The following BCKDHB variants were observed in gnomAD, a reference collection of about 807,000 sequenced individuals.
BCKDHB encodes 2-oxoisovalerate dehydrogenase subunit beta, mitochondrial.
In BCKDHB, 41 loss-of-function variants were observed where a neutral mutation model predicts 48.5. That is an observed-to-expected ratio of 0.85 (90% CI 0.66 to 1.10). The LOEUF (loss-of-function observed/expected upper bound fraction) is 1.10, where lower values mean the gene tolerates loss of function less well. Ranked by LOEUF, BCKDHB falls within the 50% of genes least tolerant of loss-of-function variation. The pLI, the probability that BCKDHB is intolerant of heterozygous loss-of-function variation, is 0.00. For missense variants in BCKDHB, 496 were observed against 494.2 expected, an observed-to-expected ratio of 1.00 and a Z score of -0.03; for synonymous variants, 201 against 174.8, an observed-to-expected ratio of 1.15 and a Z score of -1.18.
chr6:80,288,271 A>G (rs1416211059), intron 9 of BCKDHB, among the ~76,000 whole-genome samples: 10 of 152,124 alleles, frequency 6.6e-5, no homozygotes, highest in Admixed American at 5.9e-4. Context: ...AATAATTGCT[A>G]AAGGGGCAAA....
the BCKDHB span, among the ~76,000 whole-genome samples, chr6:80,433,148 T>A: frequency 6.6e-6 from 1 of 152,254 alleles, no homozygotes; most frequent in South Asian, 2.1e-4. Context: ...GTCAGGGACC[T>A]ACTTGAGGAG....
the BCKDHB span, among the ~76,000 whole-genome samples, chr6:80,419,462 C>T: frequency 6.6e-6 from 1 of 152,242 alleles, no homozygotes; most frequent in East Asian, 1.9e-4. Context: ...CAAGGCCACC[C>T]TGCAGAGTTC....
At chr6:80,165,075 A>C (rs1408029746) in intron 3 of BCKDHB, among the ~76,000 whole-genome samples, 1 of 152,138 alleles carries the variant, frequency 6.6e-6, no homozygotes, top group Non-Finnish European at 1.5e-5. Context: ...TCTGCTTTCT[A>C]TTGGCAACAA....
chr6:80,290,757 A>G (rs1013863546), intron 9 of BCKDHB, among the ~76,000 whole-genome samples: 1 of 152,254 alleles, frequency 6.6e-6, no homozygotes, highest in Non-Finnish European at 1.5e-5. Flanking sequence ...GTAAAGGAAT[A>G]AAAGAATAAA....
the BCKDHB span, among the ~76,000 whole-genome samples, chr6:80,394,498 T>C: frequency 9.2e-5 from 14 of 152,146 alleles, no homozygotes; most frequent in African/African-American, 3.1e-4. Context: ...CTGCATCTCC[T>C]GTGCTCCATT....
intron 1 of BCKDHB, among the ~76,000 whole-genome samples, chr6:80,107,417 G>A (rs1769143255): frequency 1.2e-5 from 1 of 82,216 alleles, no homozygotes; most frequent in Non-Finnish European, 2.5e-5. Flanking sequence ...TACAGAAATT[G>A]TGTGTATGTG....
rs528747631 is a variant in BCKDHB at position 80,252,003 on chromosome 6, A to G, written c.952-21132A>G. On this transcript the variant is annotated intron_variant, in intron 8 of 9. Transcript: ENST00000320393. ...TTATGCCAAAGTAATAGCTAGCACT[A>G]TAGCATGCTTACTGTAGGCATTACG... Among the ~76,000 whole-genome samples the G allele has an allele frequency of 3.3e-4, 50 of 152,338 alleles. No homozygotes were observed. In the South Asian group the frequency reaches 9.9e-3, roughly 30 times the overall value.
At chr6:80,272,964 ATGAC>A (rs1347016148) in intron 8 of BCKDHB, among the ~76,000 whole-genome samples, 167 bp from the exon 9 acceptor site, 3 of 152,162 alleles carry the variant, frequency 2.0e-5, no homozygotes, top group African/African-American at 4.8e-5. Context: ...CAAAAATCAG[ATGAC>A]TGACCTGTCG....
At chr6:80,406,061 T>A in the BCKDHB span, among the ~76,000 whole-genome samples, 1 of 152,130 alleles carries the variant, frequency 6.6e-6, no homozygotes, top group East Asian at 1.9e-4. Flanking sequence ...CACCTATGAA[T>A]GAGAACGTGC....
At chr6:80,285,782 G>C (rs1222541383) in intron 9 of BCKDHB, among the ~76,000 whole-genome samples, 1 of 152,142 alleles carries the variant, frequency 6.6e-6, no homozygotes, top group Non-Finnish European at 1.5e-5. Flanking sequence ...TGTAATATTA[G>C]ATGAAAGTAA....
chr6:80,388,110 C>A, the BCKDHB span, among the ~76,000 whole-genome samples: 1 of 152,184 alleles, frequency 6.6e-6, no homozygotes, highest in African/African-American at 2.4e-5. Flanking sequence ...ATTTGGGAGG[C>A]AACACATTTC....
chr6:80,359,709 C>T, the BCKDHB span, among the ~76,000 whole-genome samples: 2 of 152,170 alleles, frequency 1.3e-5, no homozygotes, highest in African/African-American at 2.4e-5. Context: ...ATTCTCCTGC[C>T]TCAGCCTCCT....
At chr6:80,235,107 G>A (rs1776094710) in intron 8 of BCKDHB, among the ~76,000 whole-genome samples, 1 of 152,140 alleles carries the variant, frequency 6.6e-6, no homozygotes, top group Non-Finnish European at 1.5e-5. Context: ...ACAGTAGGGT[G>A]ACTCTAGTTA....
At chr6:80,291,079 C>A (rs1357268725) in intron 9 of BCKDHB, among the ~76,000 whole-genome samples, 2 of 152,186 alleles carry the variant, frequency 1.3e-5, no homozygotes, top group African/African-American at 2.4e-5. Flanking sequence ...AACCTCCTAT[C>A]TCATCCTGTG....
intron 3 of BCKDHB, among the ~76,000 whole-genome samples, chr6:80,131,447 T>C (rs1466194980): frequency 6.6e-6 from 1 of 152,082 alleles, no homozygotes; most frequent in East Asian, 1.9e-4. Context: ...GTTGTATAAT[T>C]ATATCTAATC....
intron 1 of BCKDHB, among the ~76,000 whole-genome samples, chr6:80,116,605 T>G (rs980683858): frequency 1.3e-5 from 2 of 152,242 alleles, no homozygotes; most frequent in African/African-American, 4.8e-5. Context: ...GATTCTTTAC[T>G]TAGTACAATT....
chr6:80,223,302 C>T (rs1021188669), intron 8 of BCKDHB, among the ~76,000 whole-genome samples: 1 of 152,046 alleles, frequency 6.6e-6, no homozygotes, highest in African/African-American at 2.4e-5. Context: ...AACTCAGCCC[C>T]CTACAGTGCT....
chr6:80,290,506 C>T lies in BCKDHB; in HGVS notation c.1038+17285C>T, dbSNP rs540943113. Among the ~76,000 whole-genome samples, 6 of 152,314 alleles carry T rather than the reference C, an allele frequency of 3.9e-5. No homozygotes were observed. The South Asian group carries it at 1.2e-3, about 32-fold the overall frequency. Reference sequence around the variant, plus strand: ...AACATGAGGAAGAACGAAAGAGCCTCATGGTGGGGTATTAACTTACCTAAT... The same window carrying T: ...AACATGAGGAAGAACGAAAGAGCCTTATGGTGGGGTATTAACTTACCTAAT... On this transcript the variant is annotated intron_variant, in intron 9 of 9. Transcript: ENST00000320393.
chr6:80,401,724 A>G, the BCKDHB span, among the ~76,000 whole-genome samples: 1 of 151,764 alleles, frequency 6.6e-6, no homozygotes, highest in Non-Finnish European at 1.5e-5. Context: ...TTTAACTGTC[A>G]TCTCCCAATT....
Sources: allele counts gnomAD v4.1 joint callset (sites outside exome capture counted in the v4.1 genomes callset), GRCh38; gene constraint gnomAD v4.1.1; transcripts MANE v1.5; gene names NCBI Gene and HGNC (gene_info 2026-07-23, HGNC 2026-07-21).